The following LTBP1 variants were observed in gnomAD, a reference collection of about 807,000 sequenced individuals.
LTBP1 encodes latent-transforming growth factor beta-binding protein 1.
In LTBP1, 129 loss-of-function variants were observed where a neutral mutation model predicts 207.6. The ratio of observed to expected loss-of-function variants is 0.62; its 90% CI spans 0.54 to 0.72. The LOEUF is 0.72. Among genes scored for constraint, LTBP1 ranks in the 30% least tolerant of loss-of-function variants. LTBP1 has a pLI of 0.00. For synonymous variants in LTBP1, 963 were observed against 833.7 expected (o/e 1.16, Z -2.67); for missense variants, 2,281 against 2,217.2 (o/e 1.03, Z -0.58).
chr2:32,976,864 C>T (rs1054728352), intron 2 of LTBP1, among the ~76,000 whole-genome samples: 19 of 152,218 alleles, frequency 1.2e-4, no homozygotes, highest in African/African-American at 3.4e-4. Flanking sequence ...CAAGCAAGCT[C>T]TCCTTGGCTA....
At chr2:33,115,633 G>T (rs1335934265) in intron 4 of LTBP1, among the ~76,000 whole-genome samples, 1 of 152,164 alleles carries the variant, frequency 6.6e-6, no homozygotes, top group African/African-American at 2.4e-5. Flanking sequence ...GTGTGGGGTA[G>T]GGGTGGGGGT....
Position 33,275,781 on chromosome 2 carries a change from A to G in LTBP1, c.2870-20A>G, listed in dbSNP as rs3816479. 0.29 allele frequency: 475,706 copies of G among 1,612,636 alleles called. 74,029 individuals are homozygous for G. Among genetic ancestry groups the G allele is most frequent in the Non-Finnish European group, 0.32 (378,170 of 1,178,888 alleles). ...AGTATTTGGAACACAAAACTCAACA[A>G]TGCTATCTGCTCTTCGTAGATGTTG... On this transcript the variant is annotated intron_variant, in intron 17 of 33. Transcript: ENST00000404816.
At chr2:33,265,764 A>G (rs1032493273) in intron 15 of LTBP1, among the ~76,000 whole-genome samples, 2 of 152,226 alleles carry the variant, frequency 1.3e-5, no homozygotes, top group Non-Finnish European at 2.9e-5. Context: ...TATTTTCTAA[A>G]CTGAACAGTT....
chr2:33,058,273 A>C (rs1441331397), intron 3 of LTBP1, among the ~76,000 whole-genome samples: 1 of 152,236 alleles, frequency 6.6e-6, no homozygotes, highest in East Asian at 1.9e-4. Context: ...TTCAATTATT[A>C]ATTACATTAT....
chr2:33,142,201 A>G (rs956084690), intron 5 of LTBP1, among the ~76,000 whole-genome samples: 2 of 150,352 alleles, frequency 1.3e-5, no homozygotes, highest in African/African-American at 4.9e-5. Flanking sequence ...ACAGGCGCCC[A>G]CCACCACGCC....
At chr2:32,984,042 A>G (rs1572938670) in intron 2 of LTBP1, among the ~76,000 whole-genome samples, 1 of 152,328 alleles carries the variant, frequency 6.6e-6, no homozygotes, top group East Asian at 1.9e-4. Context: ...TTTTGAGATT[A>G]TGAAGATGAC....
chr2:33,202,371 G>A (rs1215966395), intron 7 of LTBP1, among the ~76,000 whole-genome samples: 1 of 152,092 alleles, frequency 6.6e-6, no homozygotes, highest in Non-Finnish European at 1.5e-5. Flanking sequence ...CAGATGAGAT[G>A]GGCACTTTGG....
intron 3 of LTBP1, among the ~76,000 whole-genome samples, chr2:33,088,652 G>A (rs1455910967): frequency 6.6e-6 from 1 of 152,142 alleles, no homozygotes; most frequent in Non-Finnish European, 1.5e-5. Flanking sequence ...GCTTAGAACA[G>A]TGTACAGTAG....
intron 22 of LTBP1, among the ~76,000 whole-genome samples, chr2:33,305,852 A>G (rs1234512987): frequency 6.6e-6 from 1 of 152,174 alleles, no homozygotes; most frequent in Non-Finnish European, 1.5e-5. Context: ...GGAGTGATGG[A>G]TTGTGTCAAA....
chr2:33,350,598 A>G (rs2149815625), intron 26 of LTBP1, among the ~76,000 whole-genome samples: 1 of 152,234 alleles, frequency 6.6e-6, no homozygotes, highest in South Asian at 2.1e-4. Flanking sequence ...CCACATATAT[A>G]TTTTTTAGGT....
At chr2:33,215,719 T>TC (rs1553456673) in intron 7 of LTBP1, among the ~76,000 whole-genome samples, 4 of 144,126 alleles carry the variant, frequency 2.8e-5, no homozygotes, top group African/African-American at 5.3e-5. Context: ...TTCTTTTGTT[T>TC]TTTGTTTTTT....
At chr2:32,976,494 G>T (rs1436977912) in intron 2 of LTBP1, among the ~76,000 whole-genome samples, 2 of 152,202 alleles carry the variant, frequency 1.3e-5, no homozygotes, top group African/African-American at 4.8e-5. Context: ...GAGCCAGTAG[G>T]CACCATTTAA....
intron 3 of LTBP1, among the ~76,000 whole-genome samples, chr2:33,065,324 C>T (rs1446355568): frequency 6.6e-6 from 1 of 152,122 alleles, no homozygotes; most frequent in African/African-American, 2.4e-5. Context: ...AAGGCTGAGG[C>T]AGGAAGATCA....
chr2:33,316,206 A>C (rs1241440164), intron 24 of LTBP1, among the ~76,000 whole-genome samples: 1 of 152,266 alleles, frequency 6.6e-6, no homozygotes, highest in Non-Finnish European at 1.5e-5. Context: ...ACCATTTTAA[A>C]AGTAAACTGA....
At chr2:33,062,315 G>C (rs72793715) in intron 3 of LTBP1, among the ~76,000 whole-genome samples, 4 of 151,712 alleles carry the variant, frequency 2.6e-5, no homozygotes, top group Non-Finnish European at 5.9e-5. Context: ...ATTTTGTTGA[G>C]GTCTGATTTT....
chr2:33,377,257 G>A (rs540482591), intron 31 of LTBP1, among the ~76,000 whole-genome samples: 6 of 152,254 alleles, frequency 3.9e-5, no homozygotes, highest in Admixed American at 2.6e-4. Context: ...TATTTGGAAC[G>A]CCGACCAGGG....
chr2:33,130,500 T>G (rs969220407), intron 4 of LTBP1, among the ~76,000 whole-genome samples: 2 of 152,236 alleles, frequency 1.3e-5, no homozygotes, highest in Non-Finnish European at 2.9e-5. Context: ...TGTGCCCTTT[T>G]CTAGACTGAT....
intron 3 of LTBP1, among the ~76,000 whole-genome samples, chr2:33,067,781 G>A (rs537743522): frequency 1.1e-4 from 17 of 152,136 alleles, no homozygotes; most frequent in Non-Finnish European, 2.4e-4. Flanking sequence ...TCTGAGGGAG[G>A]TCCTGGAACT....
intron 9 of LTBP1, among the ~76,000 whole-genome samples, chr2:33,241,288 A>ATTC (rs1558870718): frequency 6.6e-6 from 1 of 152,136 alleles, no homozygotes; most frequent in Non-Finnish European, 1.5e-5. Context: ...GTCTTACACG[A>ATTC]TTCTTCGTCT....
Sources: allele counts gnomAD v4.1 joint callset (sites outside exome capture counted in the v4.1 genomes callset), GRCh38; gene constraint gnomAD v4.1.1; transcripts MANE v1.5; gene names NCBI Gene and HGNC (gene_info 2026-07-23, HGNC 2026-07-21).